The following CACNA2D3 variants were observed in gnomAD, a reference collection of about 807,000 sequenced individuals.
CACNA2D3 encodes voltage-dependent calcium channel subunit alpha-2/delta-3.
In CACNA2D3, 60 loss-of-function variants were observed where a neutral mutation model predicts 160.6. That is an observed-to-expected ratio of 0.37 (90% confidence interval 0.30 to 0.46). The LOEUF (loss-of-function observed/expected upper bound fraction) is 0.46. Among genes scored for constraint, CACNA2D3 ranks in the 20% least tolerant of loss-of-function variants. The pLI is 1.00. For missense variants in CACNA2D3, 1,205 were observed against 1,365.0 expected, an observed-to-expected ratio of 0.88 and a Z score of 1.85; for synonymous variants, 558 against 492.9, an observed-to-expected ratio of 1.13 and a Z score of -1.75.
chr3:54,746,201 G>A (rs1384612166), intron 11 of CACNA2D3, among the ~76,000 whole-genome samples: 1 of 152,186 alleles, frequency 6.6e-6, no homozygotes, highest in Non-Finnish European at 1.5e-5. Flanking sequence ...AAGCATTTAT[G>A]TGAGTAATCA....
At chr3:54,321,577 C>G (rs752465039) in intron 3 of CACNA2D3, among the ~76,000 whole-genome samples, 21 of 152,144 alleles carry the variant, frequency 1.4e-4, no homozygotes, top group Non-Finnish European at 2.4e-4. Flanking sequence ...CTTGTATTAT[C>G]CTTGTAACAC....
intron 3 of CACNA2D3, among the ~76,000 whole-genome samples, chr3:54,370,753 G>C (rs138922298): frequency 1.3e-3 from 190 of 148,818 alleles, no homozygotes; most frequent in African/African-American, 4.5e-3. Context: ...ATATAATTCA[G>C]TGGGTTTTTT....
intron 2 of CACNA2D3, among the ~76,000 whole-genome samples, chr3:54,171,132 A>G (rs1463288489): frequency 7.4e-5 from 2 of 27,106 alleles, no homozygotes; most frequent in African/African-American, 1.0e-4. Flanking sequence ...TTTAAAGATG[A>G]TGACTTTTTT....
chr3:54,191,449 G>A (rs1700982429), intron 2 of CACNA2D3, among the ~76,000 whole-genome samples: 1 of 147,286 alleles, frequency 6.8e-6, no homozygotes, highest in African/African-American at 2.5e-5. Flanking sequence ...CTAATTTAGT[G>A]TTTTCAGTTT....
intron 9 of CACNA2D3, among the ~76,000 whole-genome samples, chr3:54,600,784 C>T (rs752153348): frequency 7.2e-5 from 11 of 151,920 alleles, no homozygotes; most frequent in Non-Finnish European, 1.5e-4. Flanking sequence ...TCTAATGAGC[C>T]GGGAGTGGAA....
intron 11 of CACNA2D3, among the ~76,000 whole-genome samples, chr3:54,711,306 C>G (rs957274133): frequency 6.6e-6 from 1 of 152,180 alleles, no homozygotes; most frequent in African/African-American, 2.4e-5. Context: ...ACCTATTGCA[C>G]CAGTTAGGAT....
chr3:54,442,306 T>C (rs550248090), intron 4 of CACNA2D3, among the ~76,000 whole-genome samples: 1 of 152,274 alleles, frequency 6.6e-6, no homozygotes, highest in African/African-American at 2.4e-5. Context: ...TAGAGAATGC[T>C]TCTTCCATCA....
At chr3:54,475,441 A>G (rs1322124580) in intron 4 of CACNA2D3, among the ~76,000 whole-genome samples, 1 of 152,140 alleles carries the variant, frequency 6.6e-6, no homozygotes, top group African/African-American at 2.4e-5. Context: ...GCTTTGTTTT[A>G]TTTTGAGCTT....
intron 2 of CACNA2D3, among the ~76,000 whole-genome samples, chr3:54,297,643 C>A (rs1703371313): frequency 6.7e-6 from 1 of 150,362 alleles, no homozygotes; most frequent in South Asian, 2.1e-4. Flanking sequence ...GACCTTGGTT[C>A]ATAACCTGTT....
intron 11 of CACNA2D3, among the ~76,000 whole-genome samples, chr3:54,643,554 A>T (rs773476817): frequency 4.6e-5 from 7 of 152,228 alleles, no homozygotes; most frequent in Non-Finnish European, 7.3e-5. Context: ...AATAAATTTG[A>T]TCAACCATAA....
At chr3:54,794,311 A>G (rs1283341173) in intron 13 of CACNA2D3, among the ~76,000 whole-genome samples, 1 of 152,142 alleles carries the variant, frequency 6.6e-6, no homozygotes, top group African/African-American at 2.4e-5. Context: ...AGTGGAAGAA[A>G]CTTACAACAG....
At chr3:55,011,021 A>G (rs1021275624) in intron 34 of CACNA2D3, among the ~76,000 whole-genome samples, 1 of 152,242 alleles carries the variant, frequency 6.6e-6, no homozygotes, top group African/African-American at 2.4e-5. Flanking sequence ...AGGCATGACC[A>G]TTAGGGTCAC....
chr3:54,389,263 C>G (rs1214613672), intron 4 of CACNA2D3, among the ~76,000 whole-genome samples: 1 of 151,182 alleles, frequency 6.6e-6, no homozygotes, highest in Non-Finnish European at 1.5e-5. Flanking sequence ...CCAGTGCACT[C>G]CAGCCTGGGC....
intron 35 of CACNA2D3, among the ~76,000 whole-genome samples, chr3:55,035,065 C>T (rs1032500799): frequency 2.6e-5 from 4 of 152,094 alleles, no homozygotes; most frequent in Admixed American, 2.6e-4. Flanking sequence ...TTTCCAGAAC[C>T]CTTCTCCAGG....
chr3:54,740,353 T>G (rs530439174), intron 11 of CACNA2D3, among the ~76,000 whole-genome samples: 1 of 152,244 alleles, frequency 6.6e-6, no homozygotes, highest in Admixed American at 6.5e-5. Flanking sequence ...CCCCAAATTC[T>G]CAGGAACATT....
chr3:54,593,078 G>A (rs1413357643), intron 9 of CACNA2D3, among the ~76,000 whole-genome samples: 1 of 152,166 alleles, frequency 6.6e-6, no homozygotes, highest in African/African-American at 2.4e-5. Flanking sequence ...AGTTTGCAGA[G>A]AGAACAAATA....
intron 34 of CACNA2D3, among the ~76,000 whole-genome samples, chr3:55,012,852 T>A (rs1703239847): frequency 6.6e-6 from 1 of 152,130 alleles, no homozygotes; most frequent in Admixed American, 6.5e-5. Context: ...GAGCCAGGTA[T>A]GGTCTGTGCA....
At chr3:54,656,927 C>CA (rs901997582) in intron 11 of CACNA2D3, among the ~76,000 whole-genome samples, 2 of 152,182 alleles carry the variant, frequency 1.3e-5, no homozygotes, top group African/African-American at 4.8e-5. Flanking sequence ...AAGAAACCAC[C>CA]AAACAGGCTT....
chr3:54,944,317 G>A lies in CACNA2D3; in HGVS notation c.2450-24133G>A, dbSNP rs373845154. Among the ~76,000 whole-genome samples, 117 of 151,710 alleles carry A rather than the reference G, an allele frequency of 7.7e-4. 2 individuals carry two copies. The highest frequency in any genetic ancestry group is 7.1e-3 in the South Asian group (34 of 4,810). ...GTCTTTTTGTTTTATTATCTGCCACGTTTTCTTTTCCCAACATATATCTTT... is the reference window on the plus strand; with the variant it reads ...GTCTTTTTGTTTTATTATCTGCCACATTTTCTTTTCCCAACATATATCTTT... On this transcript the variant is annotated intron_variant, in intron 27 of 37. Coordinates refer to ENST00000474759, the MANE Select transcript of CACNA2D3 (RefSeq NM_018398.3).
Sources: allele counts gnomAD v4.1 joint callset (sites outside exome capture counted in the v4.1 genomes callset), GRCh38; gene constraint gnomAD v4.1.1; transcripts MANE v1.5; gene names NCBI Gene and HGNC (gene_info 2026-07-23, HGNC 2026-07-21).